PCDH9: variants seen among roughly 807,000 people sequenced by gnomAD.
PCDH9 encodes protocadherin-9.
PCDH9 carries 24 observed loss-of-function variants against 70.6 expected under a neutral mutation model. The ratio of observed to expected loss-of-function variants is 0.34; its 90% CI spans 0.25 to 0.48. The LOEUF is 0.48. Ranked by LOEUF, PCDH9 falls within the 20% of genes least tolerant of loss-of-function variation. The pLI is 0.99. For missense variants in PCDH9, 1,281 were observed against 1,503.6 expected (o/e 0.85, Z 2.45); for synonymous variants, 562 against 558.5 (o/e 1.01, Z -0.09).
Position 67,226,183 on chromosome 13 carries a change from A to G in PCDH9, c.2258T>C (p.Val753Ala). 1 of 1,614,152 alleles carries G rather than the reference A, an allele frequency of 6.2e-7. No homozygotes were observed. The highest frequency in any genetic ancestry group is 8.5e-7 in the Non-Finnish European group (1 of 1,180,020). Reference sequence around the variant, plus strand: ...AGGGTACCCCAGGTCACTTATGTTGACCACCAAACGATGCAATCCCACATC... The same window carrying G: ...AGGGTACCCCAGGTCACTTATGTTGGCCACCAAACGATGCAATCCCACATC... ...PTDVGLHRLV[V>A]NISDLGYPKS... The change falls in exon 2 of 5, where the codon GTC becomes GCC. Residue 753 changes from valine (V) to alanine (A), a missense_variant. By Grantham distance (64) the Val-to-Ala change is moderately conservative (BLOSUM62 0). Around this residue, in one of 4 missense-constraint regions of PCDH9, gnomAD observed 798 missense variants for 1,003.1 expected, o/e 0.80. Transcript: ENST00000377865. The surrounding 1 kb of genome is among the most constrained non-coding windows in gnomAD (Gnocchi z 5.0).
intron 2 of PCDH9, among the ~76,000 whole-genome samples, chr13:67,075,619 T>A (rs1337354933): frequency 6.6e-6 from 1 of 152,056 alleles, no homozygotes; most frequent in Non-Finnish European, 1.5e-5. Context: ...CAAGTTAAAA[T>A]TCCATGACAT....
intron 2 of PCDH9, among the ~76,000 whole-genome samples, chr13:66,986,121 G>A (rs1594352994): frequency 6.6e-6 from 1 of 151,884 alleles, no homozygotes; most frequent in East Asian, 1.9e-4. Context: ...ATGGTGGAAG[G>A]GGAAGCAAAC....
intron 4 of PCDH9, among the ~76,000 whole-genome samples, chr13:66,493,132 G>A (rs916644545): frequency 6.6e-6 from 1 of 152,138 alleles, no homozygotes; most frequent in African/African-American, 2.4e-5. Flanking sequence ...AAAATATTCA[G>A]AAGAAAATCA....
intron 4 of PCDH9, among the ~76,000 whole-genome samples, chr13:66,422,918 T>C (rs1957594792): frequency 6.6e-6 from 1 of 151,940 alleles, no homozygotes; most frequent in African/African-American, 2.4e-5. Flanking sequence ...CTAGCCAGAC[T>C]AATAAAGAAG....
chr13:66,543,038 T>TG (rs1392348892), intron 4 of PCDH9, among the ~76,000 whole-genome samples: 2 of 151,788 alleles, frequency 1.3e-5, no homozygotes, highest in Non-Finnish European at 2.9e-5. Context: ...ATAATAATAA[T>TG]GGAGTGTTAA....
At chr13:66,578,430 T>A (rs1056538795) in intron 4 of PCDH9, among the ~76,000 whole-genome samples, 1 of 152,012 alleles carries the variant, frequency 6.6e-6, no homozygotes, top group African/African-American at 2.4e-5. Flanking sequence ...CCCCACAGGA[T>A]GGCTGAGAGG....
chr13:67,015,265 A>T (rs939422817), intron 2 of PCDH9, among the ~76,000 whole-genome samples: 3 of 151,952 alleles, frequency 2.0e-5, no homozygotes, highest in Admixed American at 6.6e-5. Context: ...GGCTTCTGTG[A>T]CTCTGTAAGC....
At chr13:66,792,767 A>T (rs1303411313) in intron 3 of PCDH9, among the ~76,000 whole-genome samples, 1 of 152,184 alleles carries the variant, frequency 6.6e-6, no homozygotes, top group Non-Finnish European at 1.5e-5. Flanking sequence ...CTGATCATTA[A>T]ATTGGCTATA....
intron 3 of PCDH9, among the ~76,000 whole-genome samples, chr13:66,830,400 T>C (rs909038391): frequency 6.6e-6 from 1 of 152,202 alleles, no homozygotes; most frequent in African/African-American, 2.4e-5. Context: ...ACACTAAATT[T>C]GTTTTCATAA....
intron 4 of PCDH9, among the ~76,000 whole-genome samples, chr13:66,317,538 T>C (rs1350116346): frequency 1.3e-5 from 2 of 152,194 alleles, no homozygotes; most frequent in African/African-American, 2.4e-5. Context: ...CATTTAATCA[T>C]AATTTCTTTA....
intron 2 of PCDH9, among the ~76,000 whole-genome samples, chr13:67,071,628 T>TAA (rs1218911102): frequency 6.6e-6 from 1 of 152,024 alleles, no homozygotes; most frequent in East Asian, 1.9e-4. Context: ...CAGTGACTCA[T>TAA]ACCTGTAATC....
intron 3 of PCDH9, among the ~76,000 whole-genome samples, chr13:66,730,891 G>GTTTTTT (rs1566154188): frequency 2.4e-5 from 1 of 42,098 alleles, no homozygotes; most frequent in Admixed American, 2.9e-4. Flanking sequence ...TTTTTTGTTT[G>GTTTTTT]TTTCTTTTTT....
At chr13:66,628,840 T>G (rs1015232357) in intron 4 of PCDH9, among the ~76,000 whole-genome samples, 9 of 152,226 alleles carry the variant, frequency 5.9e-5, no homozygotes, top group African/African-American at 2.2e-4. Flanking sequence ...ATTTTTCCTG[T>G]ACTCAGATAC....
chr13:66,724,542 A>G (rs1051696565), intron 3 of PCDH9, among the ~76,000 whole-genome samples: 1 of 152,178 alleles, frequency 6.6e-6, no homozygotes, highest in Non-Finnish European at 1.5e-5. Flanking sequence ...ATGTGATAAT[A>G]CAACTCTGAC....
At chr13:66,846,199 C>G (rs367648097) in intron 3 of PCDH9, among the ~76,000 whole-genome samples, 34 of 146,818 alleles carry the variant, frequency 2.3e-4, no homozygotes, top group African/African-American at 8.3e-4. Flanking sequence ...GAGCTAAATA[C>G]AGGATACTGG....
At chr13:66,686,891 T>C (rs2078411354) in intron 3 of PCDH9, among the ~76,000 whole-genome samples, 1 of 152,162 alleles carries the variant, frequency 6.6e-6, no homozygotes, top group South Asian at 2.1e-4. Context: ...AAAATTTAAA[T>C]TATAACCTCC....
intron 2 of PCDH9, among the ~76,000 whole-genome samples, chr13:67,038,876 G>A (rs1161869704): frequency 1.3e-5 from 2 of 152,080 alleles, no homozygotes; most frequent in Admixed American, 6.6e-5. Flanking sequence ...AGAGTTTTTT[G>A]TTCTGAGGCA....
intron 4 of PCDH9, among the ~76,000 whole-genome samples, chr13:66,587,026 C>T (rs183962063): frequency 7.2e-5 from 11 of 152,076 alleles, no homozygotes. Flanking sequence ...CGGCACCCGT[C>T]AGCTGGGCAC....
chr13:66,723,240 T>C (rs1368543318), intron 3 of PCDH9, among the ~76,000 whole-genome samples: 3 of 152,136 alleles, frequency 2.0e-5, no homozygotes, highest in Admixed American at 2.0e-4. Context: ...TTCAGCTTCT[T>C]ATTCAAAAAC....
Sources: gnomAD v4.1 joint callset for allele counts (sites outside exome capture counted in the v4.1 genomes callset) on GRCh38, gnomAD v4.1.1 for gene constraint, gnomAD v4.1.1 regional missense constraint, Gnocchi (gnomAD v3.1) non-coding constraint, MANE v1.5 for transcripts, NCBI Gene and HGNC (gene_info 2026-07-23, HGNC 2026-07-21) for gene names.